Variants in DCTN4 observed in about 807,000 individuals in gnomAD.
The protein encoded by DCTN4 is dynactin subunit 4, also known as dynactin 4 (p62).
Under a neutral mutation model 62.7 loss-of-function variants are expected in DCTN4, and 23 were observed. The observed-to-expected ratio is 0.37, with a 90% CI of 0.26 to 0.52. The LOEUF (loss-of-function observed/expected upper bound fraction) is 0.52. Among genes scored for constraint, DCTN4 ranks in the 20% least tolerant of loss-of-function variants. The pLI is 0.92. For missense variants in DCTN4, 514 were observed against 580.4 expected, an observed-to-expected ratio of 0.89 and a Z score of 1.18; for synonymous variants, 199 against 202.1, an observed-to-expected ratio of 0.98 and a Z score of 0.13.
intron 8 of DCTN4, among the ~76,000 whole-genome samples, chr5:150,728,550 C>T (rs891932168): frequency 2.0e-5 from 3 of 152,024 alleles, no homozygotes; most frequent in Non-Finnish European, 2.9e-5. Context: ...TCTCAAATGT[C>T]GCTTTATATA....
chr5:150,756,641 T>TG (rs1473892594), intron 1 of DCTN4, among the ~76,000 whole-genome samples, 154 bp from the exon 2 acceptor site: 2 of 150,948 alleles, frequency 1.3e-5, no homozygotes, highest in African/African-American at 2.4e-5. Context: ...AGTCACCTGT[T>TG]TTTTTTTTTT....
At chr5:150,750,788 A>G (rs1752643110) in intron 3 of DCTN4, among the ~76,000 whole-genome samples, 1 of 152,232 alleles carries the variant, frequency 6.6e-6, no homozygotes, top group Admixed American at 6.5e-5. Context: ...TGTGATTATT[A>G]TCTCTAGCGG....
intron 3 of DCTN4, among the ~76,000 whole-genome samples, chr5:150,745,929 A>T (rs1232372481): frequency 6.6e-6 from 1 of 152,038 alleles, no homozygotes; most frequent in Non-Finnish European, 1.5e-5. Context: ...AAAGGCAAGA[A>T]ATAACTAAAA....
At chr5:150,756,326 A>T in intron 2 of DCTN4, 91 bp downstream of exon 2, 1 of 882,248 alleles carries the variant, frequency 1.1e-6, no homozygotes, top group Non-Finnish European at 1.7e-6. Flanking sequence ...GGCGTGAGCC[A>T]CCATGCCTGG....
intron 12 of DCTN4, among the ~76,000 whole-genome samples, chr5:150,714,440 A>C (rs1172864010): frequency 6.6e-6 from 1 of 152,054 alleles, no homozygotes; most frequent in Non-Finnish European, 1.5e-5. Context: ...GTACAGTCAC[A>C]ATCACAGCTG....
At chr5:150,711,398 A>G (rs748020286) in intron 12 of DCTN4, 36 bp from the exon 13 acceptor site, 41 of 1,558,582 alleles carry the variant, frequency 2.6e-5, no homozygotes, top group Non-Finnish European at 3.3e-5. Context: ...TTAGGTAGAT[A>G]AAAAAATCAG....
chr5:150,725,095 T>C (rs953992793), intron 8 of DCTN4, among the ~76,000 whole-genome samples: 1 of 148,862 alleles, frequency 6.7e-6, no homozygotes, highest in Non-Finnish European at 1.5e-5. Context: ...GAGGTGGAGC[T>C]TGCAGTGAGC....
At chr5:150,741,845 G>C (rs1474087105) in intron 4 of DCTN4, among the ~76,000 whole-genome samples, 3 of 152,140 alleles carry the variant, frequency 2.0e-5, no homozygotes, top group Admixed American at 2.0e-4. Context: ...TGGGTTGTGT[G>C]AAGAAAAAAC....
At position 150,710,693 on chromosome 5, in the gene DCTN4, C is replaced by A; in HGVS notation, c.*456G>T. ...TTTTAGACTGTTAGATGATATTTAACGGAATGCAGAAAGCAGTTGGTACAT... is the reference window on the plus strand; with the variant it reads ...TTTTAGACTGTTAGATGATATTTAAAGGAATGCAGAAAGCAGTTGGTACAT... On this transcript the variant is annotated 3_prime_UTR_variant, in exon 13 of 13. Coordinates refer to ENST00000447998, the MANE Select transcript of DCTN4 (RefSeq NM_016221.4). 6.0e-6 allele frequency: 1 copy of A among 166,864 alleles called. No individual in the cohort carries two copies. The highest frequency in any genetic ancestry group is 1.3e-5 in the Non-Finnish European group (1 of 75,374). 10.3% of individuals were successfully genotyped at this position (166,864 alleles called of 1,614,324 possible). A position where few individuals can be genotyped will look rare whatever the true frequency, so the allele number is the denominator to read the frequency against.
intron 12 of DCTN4, among the ~76,000 whole-genome samples, chr5:150,713,726 C>G (rs144033041): frequency 0.022 from 3,274 of 151,612 alleles, 113 homozygotes; most frequent in African/African-American, 0.073. Flanking sequence ...TTACAGGCAT[C>G]AGCCACCACA....
At chr5:150,758,838 G>T (rs781156182) in intron 1 of DCTN4, 21 bp downstream of exon 1, 1 of 1,610,378 alleles carries the variant, frequency 6.2e-7, no homozygotes, top group Non-Finnish European at 8.5e-7. Context: ...CCACATACTC[G>T]CTATAGGGCG....
intron 12 of DCTN4, among the ~76,000 whole-genome samples, chr5:150,712,677 T>G (rs965125916): frequency 1.3e-5 from 2 of 152,228 alleles, no homozygotes; most frequent in Admixed American, 1.3e-4. Context: ...AAATAACTTA[T>G]GTAATTAGGA....
intron 3 of DCTN4, chr5:150,742,682 G>A (rs1760810444): frequency 6.4e-6 from 1 of 155,346 alleles, no homozygotes; most frequent in African/African-American, 2.4e-5. Context: ...TGAAAGTACT[G>A]AAAGTAAAAC....
At chr5:150,718,147 G>A (rs1179711033) in intron 11 of DCTN4, 129 bp downstream of exon 11, 4 of 588,552 alleles carry the variant, frequency 6.8e-6, no homozygotes, top group African/African-American at 1.9e-5. Flanking sequence ...AAAAAATTTA[G>A]GAGGTGGAAT....
intron 11 of DCTN4, among the ~76,000 whole-genome samples, chr5:150,716,118 C>A (rs374035183): frequency 6.6e-6 from 1 of 152,160 alleles, no homozygotes; most frequent in East Asian, 1.9e-4. Flanking sequence ...ATTGGCCAAG[C>A]TGGTTTCGAA....
In DCTN4 at chr5:150,731,445, A is replaced by G. The variant is rs1760365615; in HGVS notation, c.582T>C (p.Gly194=). Residue 194 remains glycine, a synonymous_variant, in exon 6 of 13, where the codon GGT becomes GGC. Transcript: ENST00000447998. ...GTCCGGCAAGGGTACTGATGGATGCACCAGCTCGTGGTCGCTGAAGCCTGG... is the reference window on the plus strand; with the variant it reads ...GTCCGGCAAGGGTACTGATGGATGCGCCAGCTCGTGGTCGCTGAAGCCTGG... The part of the protein sequence containing the change: ...LGTRLQRPRA[G]ASISTLAGLS... The G allele has an allele frequency of 1.2e-6, 2 of 1,613,880 alleles. No individual in the cohort carries two copies. The highest frequency in any genetic ancestry group is 3.3e-5 in the Admixed American group (2 of 60,000).
chr5:150,755,906 T>A (rs1289947560), intron 2 of DCTN4, among the ~76,000 whole-genome samples: 2 of 152,162 alleles, frequency 1.3e-5, no homozygotes, highest in Non-Finnish European at 2.9e-5. Context: ...CATACTATCT[T>A]CACCATAATT....
chr5:150,731,325 C>CTGTGTG (rs3217226), intron 6 of DCTN4, 91 bp downstream of exon 6: 2 of 1,092,222 alleles, frequency 1.8e-6, no homozygotes, highest in Non-Finnish European at 2.7e-6. Context: ...CCATTGACAA[C>CTGTGTG]TGTGTGTGTG....
Position 150,727,514 on chromosome 5 carries a change from C to T in DCTN4, c.834+3117G>A, listed in dbSNP as rs984787333. On this transcript the variant is annotated intron_variant, in intron 8 of 12. Transcript: ENST00000447998. ...TAAGCAGGCCGGGCGCGGTGGCTCA[C>T]GCCTGTAATCCCAGCATTTTGGGAG... 7.9e-5 allele frequency among the ~76,000 whole-genome samples: 12 copies of T among 152,068 alleles called. No homozygotes were observed. The East Asian group carries it at 1.2e-3, about 15-fold the overall frequency.
Sources: gnomAD v4.1 joint callset for allele counts (sites outside exome capture counted in the v4.1 genomes callset) on GRCh38, gnomAD v4.1.1 for gene constraint, MANE v1.5 for transcripts, NCBI Gene and HGNC (gene_info 2026-07-23, HGNC 2026-07-21) for gene names.